Variants in XKR4 observed in about 807,000 individuals in gnomAD.
XKR4 encodes XK related 4.
XKR4 carries 12 observed loss-of-function variants against 53.9 expected under a neutral mutation model. That is an observed-to-expected ratio of 0.22 (90% confidence interval 0.14 to 0.36). The LOEUF (loss-of-function observed/expected upper bound fraction) is 0.36, where lower values mean the gene tolerates loss of function less well. XKR4 is among the 10% of genes least tolerant of loss of function. XKR4 has a pLI of 1.00. For synonymous variants in XKR4, 354 were observed against 362.4 expected, an observed-to-expected ratio of 0.98 and a Z score of 0.26; for missense variants, 799 against 859.5, an observed-to-expected ratio of 0.93 and a Z score of 0.88.
intron 1 of XKR4, among the ~76,000 whole-genome samples, chr8:55,333,080 A>C (rs982941255): frequency 7.3e-5 from 11 of 151,616 alleles, no homozygotes; most frequent in Non-Finnish European, 1.3e-4. Flanking sequence ...TAAAAATTTT[A>C]TTTCTTTCTT....
intron 1 of XKR4, among the ~76,000 whole-genome samples, chr8:55,309,328 A>T (rs1046742012): frequency 2.6e-5 from 4 of 152,262 alleles, no homozygotes; most frequent in Non-Finnish European, 5.9e-5. Flanking sequence ...ATACTATTTG[A>T]TTCCACTTAA....
At chr8:55,328,596 C>G (rs1803329256) in intron 1 of XKR4, among the ~76,000 whole-genome samples, 1 of 152,230 alleles carries the variant, frequency 6.6e-6, no homozygotes, top group South Asian at 2.1e-4. Context: ...ATCCAATCTC[C>G]TCAGAGTAGC....
At chr8:55,110,450 C>T (rs1437371832) in intron 1 of XKR4, among the ~76,000 whole-genome samples, 1 of 152,062 alleles carries the variant, frequency 6.6e-6, no homozygotes, top group African/African-American at 2.4e-5. Context: ...TGAATAGAAC[C>T]CAGGCACTAT....
intron 1 of XKR4, among the ~76,000 whole-genome samples, chr8:55,354,206 C>T (rs776246880): frequency 6.6e-6 from 1 of 152,144 alleles, no homozygotes; most frequent in Admixed American, 6.5e-5. Context: ...CTGAGAAGTG[C>T]CCTGAACCAA....
At chr8:55,186,943 T>C (rs1002583474) in intron 1 of XKR4, among the ~76,000 whole-genome samples, 3 of 152,044 alleles carry the variant, frequency 2.0e-5, no homozygotes, top group African/African-American at 7.2e-5. Flanking sequence ...ACTAAAGAAG[T>C]AATTATGATG....
intron 1 of XKR4, among the ~76,000 whole-genome samples, chr8:55,329,384 C>CT (rs529323804): frequency 1.1e-3 from 152 of 144,402 alleles, no homozygotes; most frequent in East Asian, 2.2e-3. Context: ...TTTTTTTGCA[C>CT]TTTTTTTTTT....
intron 2 of XKR4, among the ~76,000 whole-genome samples, chr8:55,489,007 G>C (rs1806233014): frequency 6.6e-6 from 1 of 151,598 alleles, no homozygotes; most frequent in South Asian, 2.1e-4. Flanking sequence ...AGGATGAATA[G>C]ATGGGACACA....
Position 55,229,575 on chromosome 8 carries a change from A to G in XKR4, c.806+126281A>G, listed in dbSNP as rs1818003138. ...TATAATTAAGAAAGGAAAGAATTGA[A>G]CATTATTTCTTTCATGTAAAAACTT... is the stretch of plus-strand genomic sequence containing the variant. On this transcript the variant is annotated intron_variant, in intron 1 of 2. Coordinates refer to ENST00000327381, the MANE Select transcript of XKR4 (RefSeq NM_052898.2). Among the ~76,000 whole-genome samples the G allele has an allele frequency of 2.0e-5, 3 of 152,310 alleles. No individual in the cohort carries two copies. The Middle Eastern group carries it at 0.01, about 518-fold the overall frequency.
intron 1 of XKR4, among the ~76,000 whole-genome samples, chr8:55,332,690 G>T (rs2129380907): frequency 6.6e-6 from 1 of 152,116 alleles, no homozygotes; most frequent in East Asian, 1.9e-4. Context: ...AGTATAATGT[G>T]TCTTGCTATG....
At chr8:55,302,317 A>G (rs1170397587) in intron 1 of XKR4, among the ~76,000 whole-genome samples, 2 of 151,952 alleles carry the variant, frequency 1.3e-5, no homozygotes, top group East Asian at 1.9e-4. Flanking sequence ...GATATGTGGC[A>G]TTATTTCTGA....
chr8:55,122,886 C>G (rs897106286), intron 1 of XKR4, among the ~76,000 whole-genome samples: 1 of 151,784 alleles, frequency 6.6e-6, no homozygotes, highest in African/African-American at 2.4e-5. Flanking sequence ...GGTCTTCCAG[C>G]GAATGAGAGG....
rs1267743802 is a variant in XKR4, at chr8:55,529,193, C to T, written c.*4966C>T. The T allele has an allele frequency of 6.6e-6, 1 of 151,822 alleles. No individual in the cohort carries two copies. The allele number at this position is 151,822 out of a possible 1,614,324, so 9.4% of individuals were successfully genotyped here. A position where few individuals can be genotyped will look rare whatever the true frequency, so the allele number is the denominator to read the frequency against. ...GTCTAACATGCAAGCAGCCTGCTCT[C>T]ACAGCAGAGAGCCACATGGAAGAAG... On this transcript the variant is annotated 3_prime_UTR_variant, in exon 3 of 3. Coordinates refer to ENST00000327381, the MANE Select transcript of XKR4 (RefSeq NM_052898.2).
At chr8:55,411,188 A>T (rs933940142) in intron 2 of XKR4, among the ~76,000 whole-genome samples, 1 of 152,200 alleles carries the variant, frequency 6.6e-6, no homozygotes, top group Non-Finnish European at 1.5e-5. Flanking sequence ...GAACCCTGGG[A>T]ACAAAGCCCA....
Position 55,539,509 on chromosome 8 carries a change from G to C in XKR4, c.*15282G>C, listed in dbSNP as rs898301556. On this transcript the variant is annotated 3_prime_UTR_variant, in exon 3 of 3. Transcript: ENST00000327381. ...TTCAAAGCCTTAACATTTCAAGGTGGTTAATTAATATCTAATGCATGGTAT... is the reference window on the plus strand; with the variant it reads ...TTCAAAGCCTTAACATTTCAAGGTGCTTAATTAATATCTAATGCATGGTAT... The C allele has an allele frequency of 1.3e-5, 2 of 152,152 alleles. No homozygotes were observed. The highest frequency in any genetic ancestry group is 2.9e-5 in the Non-Finnish European group (2 of 68,024). The allele number at this position is 152,152 out of a possible 1,614,324, so 9.4% of individuals were successfully genotyped here.
chr8:55,496,901 G>A (rs1483262924), intron 2 of XKR4, among the ~76,000 whole-genome samples: 1 of 152,116 alleles, frequency 6.6e-6, no homozygotes, highest in East Asian at 1.9e-4. Context: ...AGTTCTAGGG[G>A]AAAATAACTG....
At chr8:55,250,456 T>C (rs373634466) in intron 1 of XKR4, among the ~76,000 whole-genome samples, 2 of 152,194 alleles carry the variant, frequency 1.3e-5, no homozygotes, top group African/African-American at 4.8e-5. Flanking sequence ...ATTCTGGACC[T>C]TTGGATGTCT....
At chr8:55,236,302 G>A (rs1393116751) in intron 1 of XKR4, among the ~76,000 whole-genome samples, 1 of 152,186 alleles carries the variant, frequency 6.6e-6, no homozygotes, top group Non-Finnish European at 1.5e-5. Flanking sequence ...GGCCTCATGA[G>A]GCTGCATACA....
intron 1 of XKR4, among the ~76,000 whole-genome samples, chr8:55,187,969 A>G (rs758611214): frequency 2.8e-4 from 42 of 152,222 alleles, no homozygotes; most frequent in Non-Finnish European, 5.6e-4. Flanking sequence ...TTGGAAATTT[A>G]AGTGCTTTTT....
At chr8:55,285,746 T>C (rs1818899760) in intron 1 of XKR4, among the ~76,000 whole-genome samples, 1 of 152,188 alleles carries the variant, frequency 6.6e-6, no homozygotes, top group Non-Finnish European at 1.5e-5. Context: ...TGGGGATGCA[T>C]GGAGATGGCT....
Sources: allele counts gnomAD v4.1 joint callset (sites outside exome capture counted in the v4.1 genomes callset), GRCh38; gene constraint gnomAD v4.1.1; transcripts MANE v1.5; gene names NCBI Gene and HGNC (gene_info 2026-07-23, HGNC 2026-07-21).